Variants in KIRREL3 observed in about 807,000 individuals in gnomAD.
KIRREL3 encodes kirre like nephrin family adhesion molecule 3, also known as kin of IRRE-like protein 3.
KIRREL3 carries 36 observed loss-of-function variants against 89.7 expected under a neutral mutation model. The ratio of observed to expected loss-of-function variants is 0.40; its 90% CI spans 0.31 to 0.53. The LOEUF (loss-of-function observed/expected upper bound fraction) is 0.53. Ranked by LOEUF, KIRREL3 falls within the 20% of genes least tolerant of loss-of-function variation. The pLI, the probability that KIRREL3 is intolerant of heterozygous loss-of-function variation, is 0.49. For missense variants in KIRREL3, 864 were observed against 1,056.6 expected (o/e 0.82, Z 2.53); for synonymous variants, 445 against 441.4 (o/e 1.01, Z -0.10).
At chr11:126,923,201 CTTCTTCT>C (rs1565423383) in intron 1 of KIRREL3, among the ~76,000 whole-genome samples, 295 of 17,236 alleles carry the variant, frequency 0.017, 77 homozygotes, top group Middle Eastern at 0.12. Context: ...TCTTCTTCTT[CTTCTTCT>C]TCTTCTTCTT....
Position 126,996,223 on chromosome 11 carries a change from G to A in KIRREL3, c.55+4232C>T, listed in dbSNP as rs1663133407. ...TGTGTATTGACCTTCTGGCACAAAA[G>A]AACTGATTCTTCTTCCTCTAGACAA... On this transcript the variant is annotated intron_variant, in intron 1 of 16. Transcript: ENST00000525144. The surrounding 1 kb of genome is among the most constrained non-coding windows in gnomAD (Gnocchi z 4.7). Among the ~76,000 whole-genome samples the A allele has an allele frequency of 6.6e-6, 1 of 152,208 alleles. No individual in the cohort carries two copies. Among genetic ancestry groups the A allele is most frequent in the Non-Finnish European group, 1.5e-5 (1 of 68,042 alleles).
In KIRREL3 at chr11:126,455,398, C is replaced by T. The variant is rs188018975; in HGVS notation, c.848+951G>A. Among the ~76,000 whole-genome samples the T allele has an allele frequency of 6.6e-6, 1 of 152,310 alleles. No homozygotes were observed. The highest frequency in any genetic ancestry group is 2.4e-5 in the African/African-American group (1 of 41,568). On this transcript the variant is annotated intron_variant, in intron 7 of 16. Coordinates refer to ENST00000525144, the MANE Select transcript of KIRREL3 (RefSeq NM_032531.4). The surrounding 1 kb of genome is among the most constrained non-coding windows in gnomAD (Gnocchi z 6.4). ...CATCTAAGGAGCATGTGGTTTATGC[C>T]ATGTGCTGTGCTGCATGCTGAGAGC...
chr11:126,589,580 G>C (rs1159636782), intron 1 of KIRREL3, among the ~76,000 whole-genome samples: 1 of 152,200 alleles, frequency 6.6e-6, no homozygotes, highest in Non-Finnish European at 1.5e-5. Flanking sequence ...TCTCAGAGAG[G>C]CTGAGTCACT....
chr11:126,845,733 T>C lies in KIRREL3; in HGVS notation c.55+154722A>G, dbSNP rs544786783. ...TTTACCATTTGTTTATTCTCTTCCC[T>C]TCTATGAATTACCTTAAATTTTCCT... On this transcript the variant is annotated intron_variant, in intron 1 of 16. Coordinates refer to ENST00000525144, the MANE Select transcript of KIRREL3 (RefSeq NM_032531.4). Among the ~76,000 whole-genome samples, 6 of 152,306 alleles carry C rather than the reference T, an allele frequency of 3.9e-5. No individual in the cohort carries two copies. In the South Asian group the frequency reaches 6.2e-4, roughly 16 times the overall value.
At chr11:126,637,066 G>A (rs911079589) in intron 1 of KIRREL3, among the ~76,000 whole-genome samples, 1 of 152,112 alleles carries the variant, frequency 6.6e-6, no homozygotes, top group African/African-American at 2.4e-5. Context: ...AGATCAGGGT[G>A]GTGAGTTGTC....
At chr11:126,478,070 G>C (rs1445433716) in intron 4 of KIRREL3, among the ~76,000 whole-genome samples, 1 of 152,176 alleles carries the variant, frequency 6.6e-6, no homozygotes, top group African/African-American at 2.4e-5. Context: ...CTGGGGCCTC[G>C]GTCTGTTCCA....
At position 126,817,621 on chromosome 11, in the gene KIRREL3, G is replaced by C. The variant is rs1270346758; in HGVS notation, c.55+182834C>G. Among the ~76,000 whole-genome samples the C allele has an allele frequency of 6.6e-6, 1 of 152,192 alleles. No homozygotes were observed. The highest frequency in any genetic ancestry group is 1.5e-5 in the Non-Finnish European group (1 of 68,040). On this transcript the variant is annotated intron_variant, in intron 1 of 16. Transcript: ENST00000525144. This position sits in a 1 kb window ranked among gnomAD's most constrained non-coding sequence, Gnocchi z 5.7. ...TCTCATCCTTCCAGCCTATGTGGCT[G>C]CAAAATGACACTTGTAAAATGACAT...
At chr11:126,889,185 C>T (rs1335933517) in intron 1 of KIRREL3, among the ~76,000 whole-genome samples, 2 of 151,970 alleles carry the variant, frequency 1.3e-5, no homozygotes, top group African/African-American at 4.8e-5. Flanking sequence ...AAAGTTTTCT[C>T]TTCCCCTTAG....
At chr11:126,951,966 AAG>A (rs1453457118) in intron 1 of KIRREL3, among the ~76,000 whole-genome samples, 1 of 152,268 alleles carries the variant, frequency 6.6e-6, no homozygotes, top group Non-Finnish European at 1.5e-5. Flanking sequence ...TGCTTTAAAA[AAG>A]ATCCATGATG....
At chr11:126,759,297 TC>T (rs1592084693) in intron 1 of KIRREL3, among the ~76,000 whole-genome samples, 2 of 152,042 alleles carry the variant, frequency 1.3e-5, no homozygotes, top group African/African-American at 4.8e-5. Flanking sequence ...GCCTGGCTAA[TC>T]TTTGTATTTT....
At chr11:126,952,307 C>T (rs1335592145) in intron 1 of KIRREL3, among the ~76,000 whole-genome samples, 1 of 152,038 alleles carries the variant, frequency 6.6e-6, no homozygotes, top group Non-Finnish European at 1.5e-5. Context: ...ATCTGTTGAA[C>T]CTGGGAGGTG....
In KIRREL3 at chr11:126,729,829, G is replaced by A. The variant is rs1948541793; in HGVS notation, c.56-166917C>T. Among the ~76,000 whole-genome samples the A allele has an allele frequency of 6.6e-6, 1 of 152,172 alleles. No individual in the cohort carries two copies. Among genetic ancestry groups the A allele is most frequent in the Non-Finnish European group, 1.5e-5 (1 of 68,036 alleles). On this transcript the variant is annotated intron_variant, in intron 1 of 16. Transcript: ENST00000525144. The surrounding 1 kb of genome is among the most constrained non-coding windows in gnomAD (Gnocchi z 4.5). Reference sequence around the variant, plus strand: ...TAATCACTAAGAGCACACCATGTTTGCTGCTTTTAACTGTTTCCAAATCCT... The same window carrying A: ...TAATCACTAAGAGCACACCATGTTTACTGCTTTTAACTGTTTCCAAATCCT...
Position 126,429,232 on chromosome 11 carries a change from C to T in KIRREL3, c.1753G>A (p.Glu585Lys). The change falls in exon 15 of 17, where the codon GAA (glutamate) becomes AAA (lysine). Residue 585 changes from glutamate to lysine, a missense_variant. By Grantham distance (56) the Glu-to-Lys change is moderately conservative (BLOSUM62 1). Coordinates refer to ENST00000525144, the MANE Select transcript of KIRREL3 (RefSeq NM_032531.4). This position sits in a 1 kb window ranked among gnomAD's most constrained non-coding sequence, Gnocchi z 5.2. ...TCACCCTCCCGACCAGAGGCTGGTTCCTTGTGGACAATTTCCACTCGGATA... is the reference window on the plus strand; with the variant it reads ...TCACCCTCCCGACCAGAGGCTGGTTTCTTGTGGACAATTTCCACTCGGATA... ...NDIRVEIVHK[E>K]PASGREGEEH... is the part of the protein sequence containing the mutation. The T allele has an allele frequency of 1.2e-6, 2 of 1,614,006 alleles. No homozygotes were observed. The highest frequency in any genetic ancestry group is 1.7e-6 in the Non-Finnish European group (2 of 1,179,868).
At position 126,786,625 on chromosome 11, in the gene KIRREL3, T is replaced by C. The variant is rs374030799; in HGVS notation, c.55+213830A>G. 7.9e-4 allele frequency among the ~76,000 whole-genome samples: 120 copies of C among 152,312 alleles called. 2 individuals are homozygous for C. The highest frequency in any genetic ancestry group is 2.6e-3 in the African/African-American group (109 of 41,558). On this transcript the variant is annotated intron_variant, in intron 1 of 16. Coordinates refer to ENST00000525144, the MANE Select transcript of KIRREL3 (RefSeq NM_032531.4). The stretch of plus-strand genomic sequence containing the variant: ...TCCTCCAGGATCACGTCTGGGAAAC[T>C]TTTTCTTATCAAAATGACTGAAGTT...
chr11:126,678,599 CAAAAAAAAAAA>C (rs59342253), intron 1 of KIRREL3, among the ~76,000 whole-genome samples: 3 of 50,046 alleles, frequency 6.0e-5, no homozygotes, highest in African/African-American at 2.5e-4. Flanking sequence ...GACTCTGTCT[CAAAAAAAAAAA>C]AAAAAAAAAA....
chr11:126,599,378 C>A (rs1942543407), intron 1 of KIRREL3, among the ~76,000 whole-genome samples: 1 of 152,174 alleles, frequency 6.6e-6, no homozygotes, highest in Non-Finnish European at 1.5e-5. Context: ...ACCTGCTATT[C>A]CATTGCCTGA....
At chr11:126,915,918 CTG>C (rs1310010677) in intron 1 of KIRREL3, among the ~76,000 whole-genome samples, 2 of 152,152 alleles carry the variant, frequency 1.3e-5, no homozygotes, top group African/African-American at 4.8e-5. Flanking sequence ...AGGTTCCAGT[CTG>C]TATATAGGCT....
Position 126,997,366 on chromosome 11 carries a change from G to A in KIRREL3, c.55+3089C>T, listed in dbSNP as rs918796183. Reference sequence around the variant, plus strand: ...GACAGCTGAGGGAAGAGGCATCCACGGCAAGGGAGAAGCCCACAAGCAGTA... The same window carrying A: ...GACAGCTGAGGGAAGAGGCATCCACAGCAAGGGAGAAGCCCACAAGCAGTA... On this transcript the variant is annotated intron_variant, in intron 1 of 16. Coordinates refer to ENST00000525144, the MANE Select transcript of KIRREL3 (RefSeq NM_032531.4). This position sits in a 1 kb window ranked among gnomAD's most constrained non-coding sequence, Gnocchi z 4.3. Among the ~76,000 whole-genome samples the A allele has an allele frequency of 2.0e-5, 3 of 152,240 alleles. No individual in the cohort carries two copies. The highest frequency in any genetic ancestry group is 2.1e-4 in the South Asian group (1 of 4,818).
At chr11:126,922,540 T>C (rs1244581413) in intron 1 of KIRREL3, among the ~76,000 whole-genome samples, 1 of 151,944 alleles carries the variant, frequency 6.6e-6, no homozygotes, top group Non-Finnish European at 1.5e-5. Context: ...TTCCCTCCCA[T>C]ACAAGGTGAA....
Sources: allele counts gnomAD v4.1 joint callset (sites outside exome capture counted in the v4.1 genomes callset), GRCh38; gene constraint gnomAD v4.1.1; non-coding constraint Gnocchi (gnomAD v3.1); transcripts MANE v1.5; gene names NCBI Gene and HGNC (gene_info 2026-07-23, HGNC 2026-07-21).